Variants in TTC39C observed in about 807,000 individuals in gnomAD.
TTC39C encodes the protein tetratricopeptide repeat protein 39C.
In TTC39C, 33 loss-of-function variants were observed where a neutral mutation model predicts 76.3. The observed-to-expected ratio is 0.43, with a 90% CI of 0.33 to 0.58. TTC39C has a LOEUF of 0.58. Ranked by LOEUF, TTC39C falls within the 20% of genes least tolerant of loss-of-function variation. The probability of loss-of-function intolerance (pLI) is 0.04; values close to 1 mark genes in which losing one functional copy is unlikely to be tolerated. For synonymous variants in TTC39C, 254 were observed against 260.6 expected (o/e 0.97, Z 0.24); for missense variants, 595 against 701.4 (o/e 0.85, Z 1.71).
intron 1 of TTC39C, among the ~76,000 whole-genome samples, chr18:23,999,076 T>G (rs1330967986): frequency 6.6e-6 from 1 of 152,202 alleles, no homozygotes; most frequent in Non-Finnish European, 1.5e-5. Context: ...CCAGCTTCAT[T>G]GTTCACAGTT....
At chr18:24,121,963 C>T (rs2084973515) in intron 8 of TTC39C, among the ~76,000 whole-genome samples, 1 of 152,170 alleles carries the variant, frequency 6.6e-6, no homozygotes, top group Admixed American at 6.5e-5. Flanking sequence ...TCCATCTGGA[C>T]CAGAGATGCC....
intron 1 of TTC39C, chr18:24,001,638 A>G (rs1168889655): frequency 2.0e-5 from 3 of 151,896 alleles, no homozygotes; most frequent in African/African-American, 7.3e-5. Flanking sequence ...CTCCATCACC[A>G]CCACATCCTC....
In TTC39C at chr18:24,038,193, C is replaced by T. The variant is rs200033368; in HGVS notation, c.167+23155C>T. ...GTGTTTAAATTATCATGGTAGGTCC[C>T]GAAAGGAGACAAAGATGAATAAGAT... On this transcript the variant is annotated intron_variant, in intron 1 of 13. Coordinates refer to ENST00000317571, the MANE Select transcript of TTC39C (RefSeq NM_001135993.2). Among the ~76,000 whole-genome samples the T allele has an allele frequency of 2.4e-4, 36 of 152,072 alleles. No homozygotes were observed. In the East Asian group the frequency reaches 6.2e-3, roughly 26 times the overall value.
chr18:24,075,229 A>G (rs1213417738), intron 4 of TTC39C, among the ~76,000 whole-genome samples: 3 of 152,178 alleles, frequency 2.0e-5, no homozygotes, highest in Admixed American at 6.5e-5. Context: ...CAGCACACCA[A>G]CATGGCACAT....
chr18:24,101,317 A>AAC (rs1555776240), intron 6 of TTC39C, among the ~76,000 whole-genome samples: 1 of 151,506 alleles, frequency 6.6e-6, no homozygotes, highest in Non-Finnish European at 1.5e-5. Flanking sequence ...AAAAAAAAAA[A>AAC]AAAAAACTGG....
intron 8 of TTC39C, among the ~76,000 whole-genome samples, chr18:24,119,785 G>A (rs936907903): frequency 6.6e-6 from 1 of 152,210 alleles, no homozygotes; most frequent in African/African-American, 2.4e-5. Flanking sequence ...TGTTTAATAC[G>A]TTGAAGAGTG....
chr18:24,099,242 C>G (rs911649304), intron 6 of TTC39C: 2 of 151,522 alleles, frequency 1.3e-5, no homozygotes, highest in Non-Finnish European at 2.9e-5. Context: ...GGCATGAGAT[C>G]CAGGTGCCAG....
At chr18:24,011,125 G>A (rs576273227), upstream of TTC39C, among the ~76,000 whole-genome samples, 11 of 152,288 alleles carry the variant, frequency 7.2e-5, no homozygotes, top group Admixed American at 6.5e-5. Flanking sequence ...GTTGATTGTC[G>A]CTCTCACATC....
intron 1 of TTC39C, 191 bp downstream of exon 1, chr18:24,015,229 C>A: frequency 8.0e-6 from 4 of 499,248 alleles, no homozygotes; most frequent in South Asian, 5.1e-5. Context: ...CCACCCCCTA[C>A]CCCCGGCTCC....
chr18:24,123,764 T>A, intron 8 of TTC39C, 70 bp from the exon 9 acceptor site: 1 of 1,084,168 alleles, frequency 9.2e-7, no homozygotes, highest in Non-Finnish European at 1.3e-6. Context: ...TCAAGTATCA[T>A]CACTTCAGGT....
chr18:24,130,164 T>G (rs958212772), intron 11 of TTC39C, 149 bp from the exon 12 acceptor site: 2 of 405,962 alleles, frequency 4.9e-6, no homozygotes, highest in Non-Finnish European at 9.0e-6. Flanking sequence ...AAGATGTAGA[T>G]AGGAAAGAAT....
intron 1 of TTC39C, among the ~76,000 whole-genome samples, chr18:23,995,664 T>C (rs2083255347): frequency 6.6e-6 from 1 of 152,002 alleles, no homozygotes; most frequent in African/African-American, 2.4e-5. Context: ...AAAGTTTTTG[T>C]GTGACCTGCC....
At chr18:24,085,769 T>G (rs1345097838) in intron 6 of TTC39C, among the ~76,000 whole-genome samples, 1 of 152,198 alleles carries the variant, frequency 6.6e-6, no homozygotes, top group South Asian at 2.1e-4. Flanking sequence ...ACACACAAGA[T>G]CTGTGACTAC....
intron 1 of TTC39C, among the ~76,000 whole-genome samples, chr18:24,042,130 T>C (rs2083801432): frequency 6.6e-6 from 1 of 152,218 alleles, no homozygotes; most frequent in Non-Finnish European, 1.5e-5. Flanking sequence ...ACTATAATCA[T>C]TGTAATGTCT....
At chr18:24,060,975 A>G (rs1192471229) in intron 1 of TTC39C, among the ~76,000 whole-genome samples, 1 of 152,156 alleles carries the variant, frequency 6.6e-6, no homozygotes, top group African/African-American at 2.4e-5. Flanking sequence ...ATTTGCTTTT[A>G]GGGACATTTA....
intron 3 of TTC39C, 41 bp from the exon 4 acceptor site, chr18:24,069,116 A>G: frequency 7.0e-7 from 1 of 1,436,346 alleles, no homozygotes. Context: ...TGTCGTTGTT[A>G]TGTGTGATTT....
intron 1 of TTC39C, among the ~76,000 whole-genome samples, chr18:24,030,299 G>A (rs1203925051): frequency 1.3e-5 from 2 of 152,174 alleles, no homozygotes; most frequent in Non-Finnish European, 2.9e-5. Context: ...TTGCTGATGA[G>A]TTAGGAAGAT....
exon 1 of TTC39C, chr18:23,992,931 C>CTGT (rs1240344363): frequency 6.6e-6 from 1 of 152,238 alleles, no homozygotes; most frequent in African/African-American, 2.4e-5. Context: ...CCTCCAGCAC[C>CTGT]TACACACACA....
intron 6 of TTC39C, among the ~76,000 whole-genome samples, chr18:24,110,787 C>T (rs1418080999): frequency 3.9e-5 from 6 of 152,206 alleles, no homozygotes; most frequent in Non-Finnish European, 1.5e-5. Context: ...CAAAGGTTTG[C>T]GCTTTGTGTT....
Sources: gnomAD v4.1 joint callset for allele counts (sites outside exome capture counted in the v4.1 genomes callset) on GRCh38, gnomAD v4.1.1 for gene constraint, MANE v1.5 for transcripts, NCBI Gene and HGNC (gene_info 2026-07-23, HGNC 2026-07-21) for gene names.